Variants in CENPE observed in about 807,000 individuals in gnomAD.
CENPE encodes centromere-associated protein E.
Under a neutral mutation model 336.1 loss-of-function variants are expected in CENPE, and 145 were observed. That is an observed-to-expected ratio of 0.43 (90% CI 0.38 to 0.50). The LOEUF is 0.50. Ranked by LOEUF, CENPE falls within the 20% of genes least tolerant of loss-of-function variation. CENPE has a pLI of 0.00. For missense variants in CENPE, 2,719 were observed against 3,023.3 expected, an observed-to-expected ratio of 0.90 and a Z score of 2.36; for synonymous variants, 1,013 against 984.8, an observed-to-expected ratio of 1.03 and a Z score of -0.54.
chr4:103,177,002 G>C lies in CENPE; in HGVS notation c.1287C>G (p.Asn429Lys), dbSNP rs1198873108. 1.2e-6 allele frequency: 2 copies of C among 1,607,404 alleles called. No homozygotes were observed. Among genetic ancestry groups the C allele is most frequent in the Non-Finnish European group, 1.7e-6 (2 of 1,177,632 alleles). Residue 429 changes from asparagine to lysine, a missense_variant, in exon 14 of 49, where the codon AAC (asparagine) becomes AAG (lysine). Around this residue, in one of 5 missense-constraint regions of CENPE, gnomAD observed 2,437 missense variants for 2,513.3 expected, o/e 0.97. Coordinates refer to ENST00000265148, the MANE Select transcript of CENPE (RefSeq NM_001813.3). ...RRVTWCLGKI[N>K]KMKNSNYADQ... ...CTGCATAGTTTGAGTTCTTCATTTT[G>C]TTAATTTTGCCAAGGCACCAAGTAA... is the stretch of plus-strand genomic sequence containing the variant.
intron 16 of CENPE, among the ~76,000 whole-genome samples, chr4:103,165,879 T>TAA (rs201641959): frequency 2.4e-4 from 34 of 139,854 alleles, no homozygotes; most frequent in African/African-American, 9.0e-4. Flanking sequence ...CTTTGTGTTT[T>TAA]AAAAAAAAAA....
chr4:103,155,866 T>A (rs1156727067), intron 24 of CENPE, among the ~76,000 whole-genome samples: 1 of 152,228 alleles, frequency 6.6e-6, no homozygotes, highest in African/African-American at 2.4e-5. Flanking sequence ...TGAATTACTT[T>A]GAAATGTGTA....
chr4:103,111,217 C>A (rs905373394), intron 46 of CENPE, among the ~76,000 whole-genome samples: 1 of 152,154 alleles, frequency 6.6e-6, no homozygotes, highest in African/African-American at 2.4e-5. Flanking sequence ...TCTAGAATCC[C>A]CCTCAACCAA....
At chr4:103,117,230 T>G (rs980382033) in intron 44 of CENPE, among the ~76,000 whole-genome samples, 1 of 152,240 alleles carries the variant, frequency 6.6e-6, no homozygotes, top group African/African-American at 2.4e-5. Context: ...ACATACCCAG[T>G]GTCCCCTATT....
At chr4:103,132,601 G>C in intron 42 of CENPE, 92 bp downstream of exon 42, 1 of 542,226 alleles carries the variant, frequency 1.8e-6, no homozygotes, top group Non-Finnish European at 3.2e-6. Context: ...TACAAATAAA[G>C]AAAATATACA....
rs182927736 is a variant in CENPE, at chr4:103,120,102, A to C, written c.7329+46T>G. ...GGAGATTTGCTGAATTCAATAGGTT[A>C]AACAAACAAACAAACAAACAACTTT... On this transcript the variant is annotated intron_variant, in intron 44 of 48. Coordinates refer to ENST00000265148, the MANE Select transcript of CENPE (RefSeq NM_001813.3). 37 of 1,324,068 alleles carry C rather than the reference A, an allele frequency of 2.8e-5. No individual in the cohort carries two copies. The Admixed American group carries it at 8.5e-4, about 30-fold the overall frequency. 82.0% of individuals were successfully genotyped at this position (1,324,068 alleles called of 1,614,324 possible).
intron 40 of CENPE, among the ~76,000 whole-genome samples, chr4:103,135,443 G>A (rs1340108082): frequency 6.6e-6 from 1 of 152,008 alleles, no homozygotes; most frequent in Non-Finnish European, 1.5e-5. Context: ...ACCTGACTAA[G>A]CCCAAATCCA....
In CENPE at chr4:103,181,363, T is replaced by G. The variant is rs1389120019; in HGVS notation, c.1057A>C (p.Met353Leu). ...TCCTCTAATTGTTTTTTAAGATCCATTATTTCTTTTCTATACCTTTTCAGG... is the reference window on the plus strand; with the variant it reads ...TCCTCTAATTGTTTTTTAAGATCCAGTATTTCTTTTCTATACCTTTTCAGG... ...ALLKRYRKEI[M>L]DLKKQLEEVS... The change falls in exon 12 of 49, where the codon ATG becomes CTG. Residue 353 changes from methionine (M) to leucine (L), a missense_variant. Met to Leu is a conservative substitution (Grantham distance 15). Coordinates refer to ENST00000265148, the MANE Select transcript of CENPE (RefSeq NM_001813.3). 6.5e-7 allele frequency: 1 copy of G among 1,546,482 alleles called. No homozygotes were observed. Among genetic ancestry groups the G allele is most frequent in the South Asian group, 1.2e-5 (1 of 83,784 alleles).
chr4:103,180,478 T>C lies in CENPE; in HGVS notation c.1084-9A>G. On this transcript the variant is annotated splice_polypyrimidine_tract_variant and intron_variant, in intron 12 of 48. Coordinates refer to ENST00000265148, the MANE Select transcript of CENPE (RefSeq NM_001813.3). ...CGCGTCTCTAAAGAAACCTATAGAATGCAATATTGGATTATGTTAATAATA... is the reference window on the plus strand; with the variant it reads ...CGCGTCTCTAAAGAAACCTATAGAACGCAATATTGGATTATGTTAATAATA... 1 of 1,594,936 alleles carries C rather than the reference T, an allele frequency of 6.3e-7. No homozygotes were observed. The highest frequency in any genetic ancestry group is 1.1e-5 in the South Asian group (1 of 87,636).
chr4:103,128,671 G>C (rs1381105930), intron 42 of CENPE, among the ~76,000 whole-genome samples: 4 of 152,082 alleles, frequency 2.6e-5, no homozygotes. Flanking sequence ...AATGTATTTT[G>C]AACTCAATGA....
In CENPE at chr4:103,110,815, A is replaced by G. The variant is rs1749345383; in HGVS notation, c.7724+13T>C. On this transcript the variant is annotated intron_variant, in intron 47 of 48. Transcript: ENST00000265148. Reference sequence around the variant, plus strand: ...CGTAAGCATAATATCCGTATCATGTAAGCAGATCTTACCTTAACAATTCAT... The same window carrying G: ...CGTAAGCATAATATCCGTATCATGTGAGCAGATCTTACCTTAACAATTCAT... 3 of 1,569,256 alleles carry G rather than the reference A, an allele frequency of 1.9e-6. 1 individual carries two copies. The South Asian group carries it at 3.6e-5, about 19-fold the overall frequency.
intron 8 of CENPE, among the ~76,000 whole-genome samples, chr4:103,189,084 C>T (rs1444451587): frequency 6.6e-6 from 1 of 152,146 alleles, no homozygotes; most frequent in African/African-American, 2.4e-5. Context: ...CCTCCCAAGA[C>T]TAAATCAGGA....
Position 103,110,979 on chromosome 4 carries a change from T to G in CENPE, c.7573A>C (p.Asn2525His). 6.2e-7 allele frequency: 1 copy of G among 1,608,470 alleles called. No individual in the cohort carries two copies. The highest frequency in any genetic ancestry group is 8.5e-7 in the Non-Finnish European group (1 of 1,177,818). The change falls in exon 47 of 49, where the codon AAT becomes CAT. Residue 2525 changes from asparagine (N) to histidine (H), a missense_variant. Transcript: ENST00000265148. ...ISEHTDPQPSNKPLTCGGGSG... is the reference protein window; with the variant it reads ...ISEHTDPQPSHKPLTCGGGSG... ...CCACCTCCACAAGTTAAGGGTTTAT[T>G]TGAAGGCTGAGGATCAGTATGTTCT...
At position 103,123,025 on chromosome 4, in the gene CENPE, T is replaced by C; in HGVS notation, c.6989A>G (p.Gln2330Arg). The C allele has an allele frequency of 1.9e-6, 3 of 1,614,036 alleles. No individual in the cohort carries two copies. The highest frequency in any genetic ancestry group is 1.3e-5 in the African/African-American group (1 of 75,044). The change falls in exon 43 of 49, where the codon CAG (glutamine) becomes CGG (arginine). Residue 2330 changes from glutamine to arginine, a missense_variant. Transcript: ENST00000265148. ...TTTCTCTTTCAGTGATTTCAGGTCC[T>C]GTTCCCACTCTTTGGATATGGTAGC... is the stretch of plus-strand genomic sequence containing the variant. ...RSATISKEWE[Q>R]DLKSLKEKNE...
At chr4:103,196,689 T>C (rs1246393457) in intron 2 of CENPE, 70 bp downstream of exon 2, 3 of 740,748 alleles carry the variant, frequency 4.0e-6, no homozygotes, top group Non-Finnish European at 6.9e-6. Context: ...TCTAATATTA[T>C]TGATAAGCCT....
At position 103,174,864 on chromosome 4, in the gene CENPE, A is replaced by G. The variant is rs1259724978; in HGVS notation, c.1519T>C (p.Tyr507His). Residue 507 changes from tyrosine to histidine, a missense_variant, in exon 16 of 49, where the codon TAT becomes CAT. Transcript: ENST00000265148. ...TCATAGTCTAATACCAGATTATCATAGTCAGCACGAAGTGAGTTCAACTCA... is the reference window on the plus strand; with the variant it reads ...TCATAGTCTAATACCAGATTATCATGGTCAGCACGAAGTGAGTTCAACTCA... ...ESELNSLRAD[Y>H]DNLVLDYEQL... The G allele has an allele frequency of 2.0e-6, 3 of 1,514,044 alleles. No homozygotes were observed. The highest frequency in any genetic ancestry group is 2.6e-5 in the South Asian group (2 of 75,562). 93.8% of individuals were successfully genotyped at this position (1,514,044 alleles called of 1,614,324 possible).
chr4:103,164,666 G>A (rs1453230803), intron 16 of CENPE, among the ~76,000 whole-genome samples: 1 of 151,856 alleles, frequency 6.6e-6, no homozygotes. Flanking sequence ...TATCCAACAT[G>A]TTTCTTTAGG....
intron 9 of CENPE, among the ~76,000 whole-genome samples, chr4:103,184,563 C>A (rs951565908): frequency 2.1e-4 from 32 of 151,940 alleles, no homozygotes; most frequent in Admixed American, 1.1e-3. Context: ...TTTTTTTTCC[C>A]AAATGGCTAT....
At chr4:103,142,443 T>A (rs1433302382) in intron 34 of CENPE, among the ~76,000 whole-genome samples, 2 of 152,250 alleles carry the variant, frequency 1.3e-5, no homozygotes, top group Non-Finnish European at 2.9e-5. Context: ...CACAATACAT[T>A]GAATTGCCAG....
Sources: allele counts gnomAD v4.1 joint callset (sites outside exome capture counted in the v4.1 genomes callset), GRCh38; gene constraint gnomAD v4.1.1; regional missense constraint gnomAD v4.1.1; transcripts MANE v1.5; gene names NCBI Gene and HGNC (gene_info 2026-07-23, HGNC 2026-07-21).